Variants in ZNRF3 observed in about 807,000 individuals in gnomAD.
ZNRF3 encodes the protein E3 ubiquitin-protein ligase ZNRF3.
In ZNRF3, 23 loss-of-function variants were observed where a neutral mutation model predicts 72.5. The observed-to-expected ratio is 0.32, with a 90% confidence interval of 0.23 to 0.45. ZNRF3 has a LOEUF of 0.45. ZNRF3 is among the 20% of genes least tolerant of loss of function. The probability of loss-of-function intolerance (pLI) is 1.00; values close to 1 mark genes in which losing one functional copy is unlikely to be tolerated. For missense variants in ZNRF3, 1,169 were observed against 1,272.1 expected (o/e 0.92, Z 1.23); for synonymous variants, 610 against 545.3 (o/e 1.12, Z -1.65).
intron 1 of ZNRF3, among the ~76,000 whole-genome samples, chr22:28,957,629 C>T (rs373784065): frequency 7.9e-5 from 12 of 151,838 alleles, no homozygotes; most frequent in African/African-American, 2.2e-4. Context: ...TTAGTAGAGA[C>T]GGGGTTTCAC....
At chr22:28,964,316 TCATC>T (rs1744319491) in intron 1 of ZNRF3, among the ~76,000 whole-genome samples, 1 of 152,166 alleles carries the variant, frequency 6.6e-6, no homozygotes, top group Non-Finnish European at 1.5e-5. Flanking sequence ...TCAAAGGTCT[TCATC>T]CAGTTGGATA....
chr22:28,974,439 A>G (rs959336385), intron 1 of ZNRF3, among the ~76,000 whole-genome samples: 1 of 152,192 alleles, frequency 6.6e-6, no homozygotes, highest in Admixed American at 6.5e-5. Flanking sequence ...TCCCGATTAA[A>G]CAACATTACA....
intron 2 of ZNRF3, among the ~76,000 whole-genome samples, chr22:29,007,218 T>C (rs1203297495): frequency 1.3e-5 from 2 of 152,234 alleles, no homozygotes; most frequent in Non-Finnish European, 2.9e-5. Flanking sequence ...CAGGGGTACC[T>C]ACCAGTGGTT....
intron 2 of ZNRF3, among the ~76,000 whole-genome samples, chr22:29,007,623 C>T (rs76989952): frequency 0.037 from 5,568 of 152,116 alleles, 179 homozygotes; most frequent in African/African-American, 0.085. Flanking sequence ...GACAAGACCT[C>T]ATCTCTAGAA....
rs564950494 is a variant in ZNRF3, at chr22:28,900,187, C to T, written c.300+16121C>T. Among the ~76,000 whole-genome samples, 3 of 152,266 alleles carry T rather than the reference C, an allele frequency of 2.0e-5. 1 individual carries two copies. The South Asian group carries it at 6.2e-4, about 32-fold the overall frequency. ...CAGGAAGGATAAATGGGGGACTCCT[C>T]CTCCCCCAGCTCCTTATTTATATTC... On this transcript the variant is annotated intron_variant, in intron 1 of 8. Coordinates refer to ENST00000544604, the MANE Select transcript of ZNRF3 (RefSeq NM_001206998.2).
At chr22:29,027,282 C>G (rs2036654524) in intron 2 of ZNRF3, among the ~76,000 whole-genome samples, 1 of 151,696 alleles carries the variant, frequency 6.6e-6, no homozygotes, top group South Asian at 2.1e-4. Flanking sequence ...AAGTCTCACT[C>G]TTGTCCCCCA....
rs879930720 is a variant in ZNRF3, at chr22:28,938,255, CT to C, written c.301-48811del. On this transcript the variant is annotated intron_variant, in intron 1 of 8. Coordinates refer to ENST00000544604, the MANE Select transcript of ZNRF3 (RefSeq NM_001206998.2). The stretch of plus-strand genomic sequence containing the variant: ...TTTTCATTTAAATATGTCTTGAAAG[CT>C]TTTTTTTTTCAGTATACCTAGATCT... 1.6e-3 allele frequency among the ~76,000 whole-genome samples: 240 copies of C among 146,490 alleles called. 1 individual carries two copies. The highest frequency in any genetic ancestry group is 3.4e-3 in the Middle Eastern group (1 of 290).
intron 1 of ZNRF3, among the ~76,000 whole-genome samples, chr22:28,972,220 A>G (rs2035587863): frequency 6.6e-6 from 1 of 152,172 alleles, no homozygotes; most frequent in Admixed American, 6.5e-5. Flanking sequence ...CTATTTTAGA[A>G]CATTTTAATC....
chr22:28,963,177 G>C (rs2035395628), intron 1 of ZNRF3, among the ~76,000 whole-genome samples: 1 of 152,216 alleles, frequency 6.6e-6, no homozygotes, highest in South Asian at 2.1e-4. Flanking sequence ...AGGTCCTCAA[G>C]ACCATGTAAT....
chr22:29,004,438 C>T (rs536021770), intron 2 of ZNRF3, among the ~76,000 whole-genome samples: 53 of 152,232 alleles, frequency 3.5e-4, no homozygotes, highest in Middle Eastern at 3.4e-3. Context: ...TCATCTATCT[C>T]GAGGGTTGGG....
chr22:28,978,263 T>C (rs907452806), intron 1 of ZNRF3, among the ~76,000 whole-genome samples: 2 of 152,188 alleles, frequency 1.3e-5, no homozygotes, highest in African/African-American at 4.8e-5. Flanking sequence ...AATTGGAGCT[T>C]CTCAGAACAA....
intron 1 of ZNRF3, among the ~76,000 whole-genome samples, chr22:28,887,284 G>A (rs2033810123): frequency 6.6e-6 from 1 of 150,626 alleles, no homozygotes; most frequent in Non-Finnish European, 1.5e-5. Flanking sequence ...ACATATATTT[G>A]TATAGTAGAT....
intron 1 of ZNRF3, among the ~76,000 whole-genome samples, chr22:28,935,043 C>T (rs1385034462): frequency 6.6e-6 from 1 of 152,198 alleles, no homozygotes; most frequent in African/African-American, 2.4e-5. Context: ...TGCACGATAA[C>T]ACAGCCCCAT....
intron 1 of ZNRF3, among the ~76,000 whole-genome samples, chr22:28,968,711 A>C (rs1422754854): frequency 6.6e-6 from 1 of 152,236 alleles, no homozygotes; most frequent in African/African-American, 2.4e-5. Context: ...CTCCGTCTCC[A>C]AAAAAATAAA....
intron 2 of ZNRF3, among the ~76,000 whole-genome samples, chr22:28,996,967 A>G (rs1329581078): frequency 6.6e-6 from 1 of 152,194 alleles, no homozygotes; most frequent in East Asian, 1.9e-4. Context: ...TTTTGATCAC[A>G]GATCTGTATT....
At chr22:28,933,110 CTG>C (rs2034740417) in intron 1 of ZNRF3, among the ~76,000 whole-genome samples, 2 of 152,164 alleles carry the variant, frequency 1.3e-5, no homozygotes, top group African/African-American at 4.8e-5. Flanking sequence ...CATAGCAAAC[CTG>C]TATTTTAATA....
At chr22:29,043,973 C>T (rs191532424) in intron 4 of ZNRF3, among the ~76,000 whole-genome samples, 102 of 152,326 alleles carry the variant, frequency 6.7e-4, no homozygotes, top group Middle Eastern at 3.4e-3. Context: ...GTAGAAGAGA[C>T]ACTACTGGCC....
At chr22:28,914,232 G>T (rs2034368700) in intron 1 of ZNRF3, among the ~76,000 whole-genome samples, 1 of 152,182 alleles carries the variant, frequency 6.6e-6, no homozygotes, top group African/African-American at 2.4e-5. Context: ...TAGGCCTTGA[G>T]CTTGGCTATC....
chr22:29,043,416 C>T lies in ZNRF3; in HGVS notation c.619C>T (p.His207Tyr), dbSNP rs765736201. Residue 207 changes from histidine (H) to tyrosine (Y), a missense_variant, in exon 4 of 9, where the codon CAC becomes TAC. His to Tyr is a moderately conservative substitution (Grantham distance 83). Coordinates refer to ENST00000544604, the MANE Select transcript of ZNRF3 (RefSeq NM_001206998.2). ...GAAAGTGGCTCGAGCAAGGATCCAG[C>T]ACCGCCCTCCTCGAGTGAGCCTCCG... ...KQKVARARIQ[H>Y]RPPRQPTEYF... is the part of the protein sequence containing the mutation. 4 of 1,613,464 alleles carry T rather than the reference C, an allele frequency of 2.5e-6. No individual in the cohort carries two copies. The highest frequency in any genetic ancestry group is 2.5e-6 in the Non-Finnish European group (3 of 1,179,988).
Sources: allele counts gnomAD v4.1 joint callset (sites outside exome capture counted in the v4.1 genomes callset), GRCh38; gene constraint gnomAD v4.1.1; transcripts MANE v1.5; gene names NCBI Gene and HGNC (gene_info 2026-07-23, HGNC 2026-07-21).